The following PKNOX2 variants were observed in gnomAD, a reference collection of about 807,000 sequenced individuals.
The protein encoded by PKNOX2 is PBX/knotted 1 homeobox 2.
Under a neutral mutation model 53.1 loss-of-function variants are expected in PKNOX2, and 14 were observed. The observed-to-expected ratio is 0.26, with a 90% CI of 0.17 to 0.41. The LOEUF is 0.41. Among genes scored for constraint, PKNOX2 ranks in the 10% least tolerant of loss-of-function variants. The pLI is 1.00. For synonymous variants in PKNOX2, 257 were observed against 242.8 expected, an observed-to-expected ratio of 1.06 and a Z score of -0.54; for missense variants, 496 against 602.8, an observed-to-expected ratio of 0.82 and a Z score of 1.85.
chr11:125,335,921 G>C (rs868431399), intron 3 of PKNOX2, among the ~76,000 whole-genome samples: 1 of 152,164 alleles, frequency 6.6e-6, no homozygotes, highest in Non-Finnish European at 1.5e-5. Context: ...AAGTGGGTGC[G>C]TGGTCAGAAA....
chr11:125,260,052 G>T (rs1053079894), intron 2 of PKNOX2, among the ~76,000 whole-genome samples: 1 of 150,758 alleles, frequency 6.6e-6, no homozygotes, highest in Non-Finnish European at 1.5e-5. Context: ...TTGCTTGTTT[G>T]TTTTTTGTAG....
At chr11:125,371,860 G>A (rs1039599124) in intron 5 of PKNOX2, among the ~76,000 whole-genome samples, 1 of 152,162 alleles carries the variant, frequency 6.6e-6, no homozygotes, top group Non-Finnish European at 1.5e-5. Context: ...CCAGAGAGTG[G>A]AGCTGCAGGT....
Position 125,245,588 on chromosome 11 carries a change from A to G in PKNOX2, c.-130+10473A>G, listed in dbSNP as rs139616522. Among the ~76,000 whole-genome samples, 37 of 152,338 alleles carry G rather than the reference A, an allele frequency of 2.4e-4. 1 individual carries two copies. In the East Asian group the frequency reaches 6.9e-3, roughly 29 times the overall value. ...CCAGCATGCCCTGGCCGGGTTGTACAGAGGCCCTGGTCCTAGCCTGCCCCC... is the reference window on the plus strand; with the variant it reads ...CCAGCATGCCCTGGCCGGGTTGTACGGAGGCCCTGGTCCTAGCCTGCCCCC... On this transcript the variant is annotated intron_variant, in intron 2 of 12. Transcript: ENST00000298282.
Position 125,423,222 on chromosome 11 carries a change from G to A in PKNOX2, c.937-5790G>A, listed in dbSNP as rs578075741. Among the ~76,000 whole-genome samples the A allele has an allele frequency of 2.6e-5, 4 of 152,286 alleles. No individual in the cohort carries two copies. The East Asian group carries it at 7.7e-4, about 29-fold the overall frequency. ...AAGGTCTCACGCCGGTTAGAGACAA[G>A]ACAAGGATTCAAACCTGGGCAGTCT... On this transcript the variant is annotated intron_variant, in intron 10 of 12. Transcript: ENST00000298282.
At chr11:125,393,048 C>T (rs998346450) in intron 6 of PKNOX2, among the ~76,000 whole-genome samples, 7 of 151,310 alleles carry the variant, frequency 4.6e-5, no homozygotes, top group Non-Finnish European at 7.4e-5. Flanking sequence ...GTGGTCCCAG[C>T]TGCTTGGGAG....
At chr11:125,178,706 G>GAA (rs1320992350) in intron 1 of PKNOX2, among the ~76,000 whole-genome samples, 1 of 126,100 alleles carries the variant, frequency 7.9e-6, no homozygotes, top group Non-Finnish European at 1.5e-5. Flanking sequence ...GAGAAAGAAA[G>GAA]AAAGAAAGAA....
chr11:125,190,547 C>G (rs1956818107), intron 1 of PKNOX2, among the ~76,000 whole-genome samples: 1 of 152,228 alleles, frequency 6.6e-6, no homozygotes, highest in African/African-American at 2.4e-5. Context: ...TAGTCTGGCA[C>G]TTAAAACCCT....
At chr11:125,253,600 C>T (rs761896898) in intron 2 of PKNOX2, among the ~76,000 whole-genome samples, 2 of 152,124 alleles carry the variant, frequency 1.3e-5, no homozygotes, top group Non-Finnish European at 2.9e-5. Context: ...GTGATAGCAC[C>T]GCTGATTTGT....
intron 2 of PKNOX2, among the ~76,000 whole-genome samples, chr11:125,244,355 C>G (rs964438086): frequency 6.6e-6 from 1 of 152,170 alleles, no homozygotes; most frequent in Non-Finnish European, 1.5e-5. Flanking sequence ...CTGTTGCCGA[C>G]CTCTAGAGGT....
rs552062210 is a variant in PKNOX2 at position 125,307,307 on chromosome 11, G to A, written c.-129-24512G>A. Among the ~76,000 whole-genome samples, 22 of 152,214 alleles carry A rather than the reference G, an allele frequency of 1.4e-4. 1 individual carries two copies. In the South Asian group the frequency reaches 2.3e-3, roughly 16 times the overall value. ...TTAACAATAAAGGGAGCCTGGGTGC[G>A]GTGGCTCACACCCATAATCCCAGCA... On this transcript the variant is annotated intron_variant, in intron 2 of 12. Coordinates refer to ENST00000298282, the MANE Select transcript of PKNOX2 (RefSeq NM_001382323.2).
At chr11:125,179,298 C>T (rs1339135663) in intron 1 of PKNOX2, among the ~76,000 whole-genome samples, 14 of 152,070 alleles carry the variant, frequency 9.2e-5, no homozygotes, top group Non-Finnish European at 1.6e-4. Flanking sequence ...AAAAATCACA[C>T]GAATAAATGT....
At chr11:125,390,547 A>T (rs1389448021) in intron 6 of PKNOX2, among the ~76,000 whole-genome samples, 1 of 152,242 alleles carries the variant, frequency 6.6e-6, no homozygotes, top group Non-Finnish European at 1.5e-5. Flanking sequence ...TCAGTGTCTC[A>T]CCGTAGGTGG....
At chr11:125,378,810 C>T (rs1038154505) in intron 5 of PKNOX2, among the ~76,000 whole-genome samples, 2 of 152,186 alleles carry the variant, frequency 1.3e-5, no homozygotes, top group African/African-American at 2.4e-5. Context: ...ACCACCCTCG[C>T]CCCCGCTCAT....
intron 4 of PKNOX2, 46 bp from the exon 5 acceptor site, chr11:125,367,800 A>G: frequency 1.3e-6 from 2 of 1,588,688 alleles, no homozygotes; most frequent in Non-Finnish European, 8.6e-7. Context: ...GGAGACCAGC[A>G]CCCTGGCCAT....
At chr11:125,312,137 A>AG (rs529652372) in intron 2 of PKNOX2, among the ~76,000 whole-genome samples, 432 of 152,262 alleles carry the variant, frequency 2.8e-3, no homozygotes, top group South Asian at 0.019. Context: ...TCCTCCTACA[A>AG]GGGGGAGTTG....
chr11:125,432,759 G>T lies in PKNOX2; in HGVS notation c.*1367G>T, dbSNP rs544422154. 3 of 152,794 alleles carry T rather than the reference G, an allele frequency of 2.0e-5. No individual in the cohort carries two copies. The highest frequency in any genetic ancestry group is 7.2e-5 in the African/African-American group (3 of 41,586). 9.5% of individuals were successfully genotyped at this position (152,794 alleles called of 1,614,324 possible). A position where few individuals can be genotyped will look rare whatever the true frequency, so the allele number is the denominator to read the frequency against. On this transcript the variant is annotated 3_prime_UTR_variant, in exon 13 of 13. Coordinates refer to ENST00000298282, the MANE Select transcript of PKNOX2 (RefSeq NM_001382323.2). ...CCCATGGCTGTGAATGACAGGACAGGTCACACGTGTGTTTTCCATTGGGTT... is the reference window on the plus strand; with the variant it reads ...CCCATGGCTGTGAATGACAGGACAGTTCACACGTGTGTTTTCCATTGGGTT...
intron 1 of PKNOX2, among the ~76,000 whole-genome samples, chr11:125,194,171 C>T (rs560392958): frequency 4.6e-5 from 7 of 152,316 alleles, no homozygotes; most frequent in South Asian, 4.1e-4. Flanking sequence ...AGAGCGGTTG[C>T]GTAGCACAGG....
At chr11:125,375,488 G>A (rs141077047) in intron 5 of PKNOX2, among the ~76,000 whole-genome samples, 1 of 152,318 alleles carries the variant, frequency 6.6e-6, no homozygotes, top group East Asian at 1.9e-4. Context: ...TTTGGAGTTT[G>A]AATACCTGGA....
At chr11:125,254,640 C>A (rs73619493) in intron 2 of PKNOX2, among the ~76,000 whole-genome samples, 1 of 152,098 alleles carries the variant, frequency 6.6e-6, no homozygotes, top group Admixed American at 6.5e-5. Context: ...GGATCACAAC[C>A]GCATTGTGAC....
Sources: gnomAD v4.1 joint callset for allele counts (sites outside exome capture counted in the v4.1 genomes callset) on GRCh38, gnomAD v4.1.1 for gene constraint, MANE v1.5 for transcripts, NCBI Gene and HGNC (gene_info 2026-07-23, HGNC 2026-07-21) for gene names.